The following CADPS variants were observed in gnomAD, a reference collection of about 807,000 sequenced individuals.
CADPS encodes the protein calcium dependent secretion activator.
A neutral mutation model predicts 167.3 loss-of-function variants in CADPS; 57 were observed. That is an observed-to-expected ratio of 0.34 (90% confidence interval 0.28 to 0.42). CADPS has a LOEUF of 0.42. Among genes scored for constraint, CADPS ranks in the 20% least tolerant of loss-of-function variants. The pLI, the probability that CADPS is intolerant of heterozygous loss-of-function variation, is 1.00. For synonymous variants in CADPS, 676 were observed against 635.3 expected (o/e 1.06, Z -0.96); for missense variants, 1,414 against 1,738.1 (o/e 0.81, Z 3.32).
intron 3 of CADPS, among the ~76,000 whole-genome samples, chr3:62,705,529 G>C (rs542947526): frequency 2.6e-4 from 39 of 152,134 alleles, no homozygotes; most frequent in Admixed American, 1.5e-3. Flanking sequence ...GGGAAAGGCA[G>C]ACCCACATGC....
intron 3 of CADPS, among the ~76,000 whole-genome samples, chr3:62,687,734 ATTTTTT>A (rs201429638): frequency 1.6e-5 from 2 of 128,336 alleles, no homozygotes; most frequent in East Asian, 2.4e-4. Flanking sequence ...TTCCCTTCGC[ATTTTTT>A]TTTTTTTTTT....
intron 1 of CADPS, among the ~76,000 whole-genome samples, chr3:62,813,308 C>A (rs995520034): frequency 6.6e-6 from 1 of 151,982 alleles, no homozygotes; most frequent in African/African-American, 2.4e-5. Context: ...AGAAATAAAG[C>A]CACACACCTA....
At chr3:62,608,253 CA>C (rs1263820931) in intron 6 of CADPS, among the ~76,000 whole-genome samples, 1 of 151,072 alleles carries the variant, frequency 6.6e-6, no homozygotes, top group African/African-American at 2.4e-5. Flanking sequence ...AAAAAAATAC[CA>C]AAAAACTGTA....
At position 62,461,696 on chromosome 3, in the gene CADPS, G is replaced by A. The variant is rs564298297; in HGVS notation, c.3636+3671C>T. ...TCCTTCAAGCTTGAGAGCTTAAGTC[G>A]CTCATGTCCTCTGCAGAGAGACCTT... On this transcript the variant is annotated intron_variant, in intron 26 of 29. Coordinates refer to ENST00000383710, the MANE Select transcript of CADPS (RefSeq NM_003716.4). Among the ~76,000 whole-genome samples the A allele has an allele frequency of 2.6e-5, 4 of 152,244 alleles. No homozygotes were observed. The East Asian group carries it at 7.7e-4, about 29-fold the overall frequency.
intron 26 of CADPS, among the ~76,000 whole-genome samples, chr3:62,464,072 A>AGTT (rs2059673444): frequency 6.6e-6 from 1 of 151,974 alleles, no homozygotes; most frequent in Non-Finnish European, 1.5e-5. Flanking sequence ...TAAAAATAAT[A>AGTT]GTTGCCATTT....
chr3:62,558,864 C>CT, intron 9 of CADPS, among the ~76,000 whole-genome samples: 1 of 152,280 alleles, frequency 6.6e-6, no homozygotes. Flanking sequence ...GGCTGGGTCA[C>CT]TGAGAGTATT....
chr3:62,450,563 G>A (rs940509097), intron 26 of CADPS, among the ~76,000 whole-genome samples: 4 of 152,112 alleles, frequency 2.6e-5, no homozygotes, highest in Non-Finnish European at 4.4e-5. Context: ...CCTCTGGTAG[G>A]ACAACCCATA....
chr3:62,725,934 G>A (rs1346491172), intron 3 of CADPS, among the ~76,000 whole-genome samples: 1 of 151,782 alleles, frequency 6.6e-6, no homozygotes, highest in Non-Finnish European at 1.5e-5. Flanking sequence ...TAAGCAGTTT[G>A]CCCAAGGTCA....
intron 3 of CADPS, among the ~76,000 whole-genome samples, chr3:62,681,074 T>G (rs947443436): frequency 2.0e-5 from 3 of 152,034 alleles, no homozygotes; most frequent in African/African-American, 7.2e-5. Flanking sequence ...TTCCCTGTCT[T>G]TGCTGACACA....
chr3:62,424,509 G>C (rs2052207773), intron 28 of CADPS, among the ~76,000 whole-genome samples: 1 of 152,250 alleles, frequency 6.6e-6, no homozygotes, highest in African/African-American at 2.4e-5. Flanking sequence ...TAACATCTTT[G>C]AGACTGGATA....
chr3:62,608,287 CTT>C (rs113171177), intron 6 of CADPS, among the ~76,000 whole-genome samples: 12 of 141,840 alleles, frequency 8.5e-5, no homozygotes, highest in Non-Finnish European at 7.7e-5. Flanking sequence ...GTTGTTGTTG[CTT>C]TTTTTTTTTT....
chr3:62,519,155 G>A (rs1346227288), intron 13 of CADPS, among the ~76,000 whole-genome samples: 3 of 152,176 alleles, frequency 2.0e-5, no homozygotes, highest in Admixed American at 2.0e-4. Flanking sequence ...AAAGCCTTCA[G>A]CTTCCCAGAT....
At chr3:62,857,750 T>A (rs933297411) in intron 1 of CADPS, among the ~76,000 whole-genome samples, 1 of 152,038 alleles carries the variant, frequency 6.6e-6, no homozygotes, top group South Asian at 2.1e-4. Flanking sequence ...GGTGACTTTT[T>A]AAAATTTTTA....
intron 1 of CADPS, among the ~76,000 whole-genome samples, chr3:62,867,473 TCC>T (rs1178524005): frequency 6.6e-6 from 1 of 152,056 alleles, no homozygotes; most frequent in Non-Finnish European, 1.5e-5. Flanking sequence ...GACAAATGGG[TCC>T]CTGTTTTTTG....
At chr3:62,762,997 A>G (rs745823024) in intron 2 of CADPS, among the ~76,000 whole-genome samples, 4 of 151,902 alleles carry the variant, frequency 2.6e-5, no homozygotes, top group African/African-American at 7.3e-5. Flanking sequence ...TGGAAGGAGG[A>G]TATCTGTTGG....
At position 62,872,578 on chromosome 3, in the gene CADPS, G is replaced by A. The variant is rs540002050; in HGVS notation, c.441+2011C>T. ...GGAGTCTCTCTGAGGTTAAGCTCCC[G>A]TGTAAAAATGCAAACAGCATGCCCC... is the stretch of plus-strand genomic sequence containing the variant. On this transcript the variant is annotated intron_variant, in intron 1 of 29. Coordinates refer to ENST00000383710, the MANE Select transcript of CADPS (RefSeq NM_003716.4). Among the ~76,000 whole-genome samples, 19 of 152,246 alleles carry A rather than the reference G, an allele frequency of 1.2e-4. No homozygotes were observed. The South Asian group carries it at 2.7e-3, about 22-fold the overall frequency.
In CADPS at chr3:62,567,218, C is replaced by T. The variant is rs139441176; in HGVS notation, c.1644+3654G>A. On this transcript the variant is annotated intron_variant, in intron 9 of 29. Transcript: ENST00000383710. ...AGAGGTCATCTACTTCTCCTAAGTA[C>T]TTCATCATATCAAAAGTTCTCAGAA... is the stretch of plus-strand genomic sequence containing the variant. 4.7e-3 allele frequency among the ~76,000 whole-genome samples: 721 copies of T among 152,132 alleles called. 6 individuals are homozygous for T. The highest frequency in any genetic ancestry group is 0.015 in the African/African-American group (615 of 41,500).
chr3:62,636,778 A>G (rs1316384676), intron 6 of CADPS, among the ~76,000 whole-genome samples: 1 of 152,182 alleles, frequency 6.6e-6, no homozygotes, highest in East Asian at 1.9e-4. Context: ...GTGCCTCTGG[A>G]AGACGACTCA....
intron 3 of CADPS, among the ~76,000 whole-genome samples, chr3:62,729,937 T>G (rs1422226581): frequency 1.3e-5 from 2 of 150,606 alleles, no homozygotes; most frequent in Admixed American, 6.6e-5. Context: ...CAGTGGGTTG[T>G]GAGAGCAAGT....
Sources: gnomAD v4.1 joint callset for allele counts (sites outside exome capture counted in the v4.1 genomes callset) on GRCh38, gnomAD v4.1.1 for gene constraint, MANE v1.5 for transcripts, NCBI Gene and HGNC (gene_info 2026-07-23, HGNC 2026-07-21) for gene names.